VASP: variants seen among roughly 807,000 people sequenced by gnomAD.
VASP encodes vasodilator-stimulated phosphoprotein.
Under a neutral mutation model 54.4 loss-of-function variants are expected in VASP, and 27 were observed. The observed-to-expected ratio is 0.50, with a 90% CI of 0.37 to 0.68. The LOEUF (loss-of-function observed/expected upper bound fraction) is 0.68, where lower values mean the gene tolerates loss of function less well. Ranked by LOEUF, VASP falls within the 30% of genes least tolerant of loss-of-function variation. VASP has a pLI of 0.00. For missense variants in VASP, 488 were observed against 528.3 expected, an observed-to-expected ratio of 0.92 and a Z score of 0.75; for synonymous variants, 233 against 209.8, an observed-to-expected ratio of 1.11 and a Z score of -0.96.
chr19:45,522,566 C>A lies in VASP; in HGVS notation c.705C>A (p.Leu235=). 3 of 1,462,696 alleles carry A rather than the reference C, an allele frequency of 2.1e-6. No individual in the cohort carries two copies. Among genetic ancestry groups the A allele is most frequent in the Non-Finnish European group, 2.7e-6 (3 of 1,113,132 alleles). The allele number at this position is 1,462,696 out of a possible 1,614,324, so 90.6% of individuals were successfully genotyped here. ...CCGCAGCTATTGCTGGAGCCAAACTCAGGAAAGTCAGCAAGGTGAGGGGCC... is the reference window on the plus strand; with the variant it reads ...CCGCAGCTATTGCTGGAGCCAAACTAAGGAAAGTCAGCAAGGTGAGGGGCC... The part of the protein sequence containing the change: ...GLAAAIAGAK[L]RKVSKQEEAS... The change falls in exon 6 of 13, where the codon CTC becomes CTA. Residue 235 remains leucine (L), a synonymous_variant. Transcript: ENST00000245932.
At position 45,522,701 on chromosome 19, in the gene VASP, C is replaced by A. The variant is rs763976754; in HGVS notation, c.721-17C>A. On this transcript the variant is annotated splice_polypyrimidine_tract_variant and intron_variant, in intron 6 of 12. Transcript: ENST00000245932. ...AGGCCTGCCCCTAAAGCTCCTGCCC[C>A]TTTTAAATTTCTCCAGCAGGAGGAG... is the stretch of plus-strand genomic sequence containing the variant. 1.2e-6 allele frequency: 2 copies of A among 1,603,816 alleles called. No individual in the cohort carries two copies. The highest frequency in any genetic ancestry group is 1.7e-6 in the Non-Finnish European group (2 of 1,177,376).
At position 45,524,138 on chromosome 19, in the gene VASP, C is replaced by T. The variant is rs1485042521; in HGVS notation, c.952C>T (p.Pro318Ser). The T allele has an allele frequency of 6.2e-7, 1 of 1,613,360 alleles. No homozygotes were observed. Among genetic ancestry groups the T allele is most frequent in the Non-Finnish European group, 8.5e-7 (1 of 1,180,018 alleles). ...CTGGGAGAAGAACAGCACAACCTTG[C>T]CAAGGTAGGCCATCGGTCCTGGGGC... The part of the protein sequence containing the change: ...RPWEKNSTTL[P>S]RMKSSSSVTT... Residue 318 changes from proline to serine, a missense_variant, in exon 10 of 13, where the codon CCA (proline) becomes TCA (serine). By Grantham distance (74) the Pro-to-Ser change is moderately conservative. Coordinates refer to ENST00000245932, the MANE Select transcript of VASP (RefSeq NM_003370.4).
intron 1 of VASP, among the ~76,000 whole-genome samples, chr19:45,510,248 G>A (rs76227489): frequency 0.12 from 17,590 of 151,960 alleles, 1,171 homozygotes; most frequent in East Asian, 0.18. Flanking sequence ...GTTTTGAGAC[G>A]GAAATTTTGC....
chr19:45,521,203 A>C, intron 3 of VASP, 119 bp from the exon 4 acceptor site: 1 of 1,017,266 alleles, frequency 9.8e-7, no homozygotes, highest in Non-Finnish European at 1.5e-6. Flanking sequence ...GGGCCTCTGG[A>C]AGGAGGAAGT....
rs930233984 is a variant in VASP at position 45,522,662 on chromosome 19, G to A, written c.721-56G>A. The A allele has an allele frequency of 5.0e-5, 79 of 1,582,630 alleles. 1 individual carries two copies. The Admixed American group carries it at 1.5e-3, about 30-fold the overall frequency. On this transcript the variant is annotated intron_variant, in intron 6 of 12. Coordinates refer to ENST00000245932, the MANE Select transcript of VASP (RefSeq NM_003370.4). ...CCAGGGCTGCCGGCGGTGTCATTGG[G>A]CTGGAAGGCCAAAAGGCCTGCCCCT...
At chr19:45,511,452 C>T (rs1250804474) in intron 1 of VASP, among the ~76,000 whole-genome samples, 1 of 152,094 alleles carries the variant, frequency 6.6e-6, no homozygotes, top group Non-Finnish European at 1.5e-5. Flanking sequence ...GAGGCAAAGC[C>T]ACACAACAAG....
At chr19:45,523,945 G>A (rs1968902427) in intron 9 of VASP, 68 bp downstream of exon 9, 2 of 1,611,014 alleles carry the variant, frequency 1.2e-6, no homozygotes, top group African/African-American at 1.3e-5. Context: ...CACATGTTAA[G>A]CACCCTTATA....
At chr19:45,521,636 C>G (rs1968836370) in intron 4 of VASP, among the ~76,000 whole-genome samples, 3 of 152,232 alleles carry the variant, frequency 2.0e-5, no homozygotes, top group African/African-American at 7.2e-5. Flanking sequence ...CGCCTGTAAT[C>G]CCAGCACTCT....
At position 45,524,624 on chromosome 19, in the gene VASP, C is replaced by T. The variant is rs1399482803; in HGVS notation, c.1011C>T (p.Ser337=). The T allele has an allele frequency of 1.9e-6, 3 of 1,613,874 alleles. No homozygotes were observed. Among genetic ancestry groups the T allele is most frequent in the African/African-American group, 2.7e-5 (2 of 74,870 alleles). Residue 337 remains serine (S), a synonymous_variant, in exon 11 of 13, where the codon AGC becomes AGT. Transcript: ENST00000245932. ...CCGAGACCCAACCCTGCACGCCCAG[C>T]TCCAGTGATTACTCGGACCTACAGA... is the stretch of plus-strand genomic sequence containing the variant. The part of the protein sequence containing the change: ...TTSETQPCTP[S]SSDYSDLQRV...
chr19:45,518,868 G>A (rs902159555), intron 3 of VASP, among the ~76,000 whole-genome samples: 2 of 152,144 alleles, frequency 1.3e-5, no homozygotes, highest in African/African-American at 4.8e-5. Context: ...GTCTTGCTCT[G>A]TCACCCAGGC....
Position 45,523,849 on chromosome 19 carries a change from G to T in VASP, c.882G>T (p.Glu294Asp). The change falls in exon 9 of 13, where the codon GAG becomes GAT. Residue 294 changes from glutamate to aspartate, a missense_variant. By Grantham distance (45) the Glu-to-Asp change is conservative (BLOSUM62 2). Around this residue, in one of 4 missense-constraint regions of VASP, gnomAD observed 126 missense variants for 134.8 expected, o/e 0.94. Coordinates refer to ENST00000245932, the MANE Select transcript of VASP (RefSeq NM_003370.4). ...TPKDESANQE[E>D]PEARVPAQSE... ...GTTTTATTTCCTACCAGCAGGAGGA[G>T]CCAGAGGCCAGAGTCCCGGCCCAGA... The T allele has an allele frequency of 6.2e-7, 1 of 1,614,022 alleles. No individual in the cohort carries two copies. Among genetic ancestry groups the T allele is most frequent in the Non-Finnish European group, 8.5e-7 (1 of 1,180,012 alleles).
At chr19:45,516,948 G>A (rs570680160) in intron 1 of VASP, among the ~76,000 whole-genome samples, 4 of 99,994 alleles carry the variant, frequency 4.0e-5, no homozygotes, top group Non-Finnish European at 5.5e-5. Flanking sequence ...GCGGTGAGCC[G>A]AGGACAGCCC....
chr19:45,516,315 G>A (rs1029951478), intron 1 of VASP, among the ~76,000 whole-genome samples: 2 of 152,236 alleles, frequency 1.3e-5, no homozygotes, highest in African/African-American at 2.4e-5. Context: ...CTGGGGAATG[G>A]CCGCTAGTGC....
rs757316368 is a variant in VASP, at chr19:45,523,889, G to C, written c.910+12G>C. Reference sequence around the variant, plus strand: ...CCCGGCCCAGAGTGGTGAGTAGAGTGCCCAGTCCAGCCACAGGAACTACAA... The same window carrying C: ...CCCGGCCCAGAGTGGTGAGTAGAGTCCCCAGTCCAGCCACAGGAACTACAA... On this transcript the variant is annotated intron_variant, in intron 9 of 12. Transcript: ENST00000245932. 6.2e-7 allele frequency: 1 copy of C among 1,613,462 alleles called. No individual in the cohort carries two copies. The highest frequency in any genetic ancestry group is 2.2e-5 in the East Asian group (1 of 44,868).
In VASP at chr19:45,522,960, G is replaced by T. The variant is rs548255274; in HGVS notation, c.821+142G>T. The T allele has an allele frequency of 1.8e-5, 16 of 911,480 alleles. No homozygotes were observed. In the African/African-American group the frequency reaches 2.7e-4, roughly 15 times the overall value. The allele number at this position is 911,480 out of a possible 1,614,324, so 56.5% of individuals were successfully genotyped here. A position where few individuals can be genotyped will look rare whatever the true frequency, so the allele number is the denominator to read the frequency against. ...TAACCAGGTTTGGGATATAATGGTG[G>T]GGTTTGTCATGAAATGCCTGAGGCT... On this transcript the variant is annotated intron_variant, in intron 7 of 12. Transcript: ENST00000245932.
At chr19:45,508,999 C>T (rs1199381739) in intron 1 of VASP, among the ~76,000 whole-genome samples, 2 of 152,196 alleles carry the variant, frequency 1.3e-5, no homozygotes, top group African/African-American at 2.4e-5. Context: ...CCTTCCTCTA[C>T]TCTCTCTGGG....
At chr19:45,509,761 C>A (rs1263371585) in intron 1 of VASP, among the ~76,000 whole-genome samples, 1 of 152,218 alleles carries the variant, frequency 6.6e-6, no homozygotes, top group Non-Finnish European at 1.5e-5. Context: ...AGCCAGAATT[C>A]AAAACCCATG....
Position 45,526,342 on chromosome 19 carries a change from T to G in VASP, c.*165T>G, listed in dbSNP as rs1968969514. Reference sequence around the variant, plus strand: ...CTCCAAGGGGGTGTGGCTTCCCTGCTCACACCCACACTGGCTGCTGATTGG... The same window carrying G: ...CTCCAAGGGGGTGTGGCTTCCCTGCGCACACCCACACTGGCTGCTGATTGG... On this transcript the variant is annotated 3_prime_UTR_variant, in exon 13 of 13. Transcript: ENST00000245932. 1 of 795,108 alleles carries G rather than the reference T, an allele frequency of 1.3e-6. No homozygotes were observed. Among genetic ancestry groups the G allele is most frequent in the South Asian group, 2.1e-5 (1 of 47,910 alleles). 49.3% of individuals were successfully genotyped at this position (795,108 alleles called of 1,614,324 possible).
At position 45,522,499 on chromosome 19, in the gene VASP, C is replaced by G. The variant is rs1968862349; in HGVS notation, c.638C>G (p.Ala213Gly). ...GPPPAPPLPA[A>G]QGPGGGGAGA... ...CCCCCTGCACCCCCTCTCCCGGCAG[C>G]ACAGGGCCCTGGTGGTGGGGGAGCT... The change falls in exon 6 of 13, where the codon GCA becomes GGA. Residue 213 changes from alanine (A) to glycine (G), a missense_variant. Physicochemically the swap from Ala to Gly is moderately conservative, Grantham distance 60 (BLOSUM62 0). Coordinates refer to ENST00000245932, the MANE Select transcript of VASP (RefSeq NM_003370.4). The G allele has an allele frequency of 1.4e-6, 2 of 1,464,168 alleles. No individual in the cohort carries two copies. Among genetic ancestry groups the G allele is most frequent in the Non-Finnish European group, 1.8e-6 (2 of 1,112,182 alleles). The allele number at this position is 1,464,168 out of a possible 1,614,324, so 90.7% of individuals were successfully genotyped here.
Sources: allele counts gnomAD v4.1 joint callset (sites outside exome capture counted in the v4.1 genomes callset), GRCh38; gene constraint gnomAD v4.1.1; regional missense constraint gnomAD v4.1.1; transcripts MANE v1.5; gene names NCBI Gene and HGNC (gene_info 2026-07-23, HGNC 2026-07-21).